The following ZMYND8 variants were observed in gnomAD, a reference collection of about 807,000 sequenced individuals.
The protein encoded by ZMYND8 is zinc finger MYND-type containing 8.
ZMYND8 carries 37 observed loss-of-function variants against 140.8 expected under a neutral mutation model. The ratio of observed to expected loss-of-function variants is 0.26; its 90% CI spans 0.20 to 0.35. The LOEUF (loss-of-function observed/expected upper bound fraction) is 0.35, where lower values mean the gene tolerates loss of function less well. ZMYND8 is among the 10% of genes least tolerant of loss of function. ZMYND8 has a pLI of 1.00. For missense variants in ZMYND8, 1,068 were observed against 1,570.0 expected (o/e 0.68, Z 5.40); for synonymous variants, 592 against 597.1 (o/e 0.99, Z 0.12).
At chr20:47,238,425 GGTT>G in intron 15 of ZMYND8, 1 of 399,588 alleles carries the variant, frequency 2.5e-6, no homozygotes, top group Non-Finnish European at 4.6e-6. Context: ...CTTTTACAAC[GGTT>G]GATACTGGCC....
At chr20:47,343,584 T>G (rs1056822151) in intron 2 of ZMYND8, among the ~76,000 whole-genome samples, 8 of 152,290 alleles carry the variant, frequency 5.3e-5, no homozygotes, top group African/African-American at 1.7e-4. Flanking sequence ...GAATCTTGGC[T>G]CACTGCAACC....
At chr20:47,312,114 G>A (rs1427951392) in intron 2 of ZMYND8, among the ~76,000 whole-genome samples, 1 of 152,172 alleles carries the variant, frequency 6.6e-6, no homozygotes, top group Admixed American at 6.5e-5. Context: ...AATCTGCGAA[G>A]ATGTCAATTA....
chr20:47,327,032 C>T (rs1463320900), intron 2 of ZMYND8, among the ~76,000 whole-genome samples: 2 of 152,028 alleles, frequency 1.3e-5, no homozygotes, highest in African/African-American at 2.4e-5. Context: ...GGAGGTGGTG[C>T]GCAAAACCAG....
intron 2 of ZMYND8, among the ~76,000 whole-genome samples, chr20:47,336,519 T>C (rs1284788816): frequency 6.6e-6 from 1 of 152,094 alleles, no homozygotes; most frequent in African/African-American, 2.4e-5. Flanking sequence ...AGGGGAGCCT[T>C]TGTATGGAGA....
intron 12 of ZMYND8, among the ~76,000 whole-genome samples, chr20:47,257,823 G>T (rs1401485964): frequency 6.6e-6 from 1 of 152,050 alleles, no homozygotes; most frequent in Non-Finnish European, 1.5e-5. Flanking sequence ...ATTGTTGGTT[G>T]TATGTGTTTG....
rs1324667888 is a variant in ZMYND8 at position 47,220,250 on chromosome 20, C to A, written c.3484+8G>T. The A allele has an allele frequency of 1.9e-6, 3 of 1,558,406 alleles. No individual in the cohort carries two copies. Among genetic ancestry groups the A allele is most frequent in the East Asian group, 2.4e-5 (1 of 41,590 alleles). On this transcript the variant is annotated splice_region_variant and intron_variant, in intron 21 of 22. Coordinates refer to ENST00000471951, the MANE Select transcript of ZMYND8 (RefSeq NM_001281775.3). ...AAAGCACCGTTCGCCCACCAGGGGGCAACATACCAGAGCCTTGGTTGGAGC... is the reference window on the plus strand; with the variant it reads ...AAAGCACCGTTCGCCCACCAGGGGGAAACATACCAGAGCCTTGGTTGGAGC...
At chr20:47,342,026 G>A (rs2081939237) in intron 2 of ZMYND8, among the ~76,000 whole-genome samples, 1 of 151,410 alleles carries the variant, frequency 6.6e-6, no homozygotes, top group Non-Finnish European at 1.5e-5. Flanking sequence ...ACAAAACTTA[G>A]CCAGGCGTGG....
chr20:47,310,198 C>G lies in ZMYND8; in HGVS notation c.92G>C (p.Gly31Ala). The G allele has an allele frequency of 3.1e-6, 5 of 1,603,678 alleles. No homozygotes were observed. The highest frequency in any genetic ancestry group is 4.2e-6 in the Non-Finnish European group (5 of 1,177,400). Residue 31 changes from glycine (G) to alanine (A), a missense_variant, in exon 3 of 23, where the codon GGC (glycine) becomes GCC (alanine). By Grantham distance (60) the Gly-to-Ala change is moderately conservative (BLOSUM62 0). Coordinates refer to ENST00000471951, the MANE Select transcript of ZMYND8 (RefSeq NM_001281775.3). Reference sequence around the variant, plus strand: ...TTTCTGGGCTGTTCTCTCTGCAGAGCCAGGATCTGAAAGAGATACAGGACC... The same window carrying G: ...TTTCTGGGCTGTTCTCTCTGCAGAGGCAGGATCTGAAAGAGATACAGGACC... ...MDISTRSKDPGSAERTAQKRK... is the reference protein window; with the variant it reads ...MDISTRSKDPASAERTAQKRK...
intron 3 of ZMYND8, among the ~76,000 whole-genome samples, chr20:47,301,570 G>T (rs1242389218): frequency 6.6e-6 from 1 of 151,592 alleles, no homozygotes; most frequent in African/African-American, 2.4e-5. Context: ...TACATTTTCA[G>T]CATGCCATTG....
intron 11 of ZMYND8, among the ~76,000 whole-genome samples, chr20:47,274,703 C>G (rs948252510): frequency 1.3e-5 from 2 of 152,152 alleles, no homozygotes; most frequent in Non-Finnish European, 2.9e-5. Flanking sequence ...AGCTATGAAT[C>G]AGAACTAGAG....
intron 17 of ZMYND8, among the ~76,000 whole-genome samples, chr20:47,227,985 T>C (rs895993014): frequency 6.6e-6 from 1 of 151,176 alleles, no homozygotes; most frequent in African/African-American, 2.4e-5. Flanking sequence ...CCCAGCTACT[T>C]GGGATGCTGA....
intron 2 of ZMYND8, among the ~76,000 whole-genome samples, chr20:47,317,596 T>G (rs988455057): frequency 1.3e-5 from 2 of 152,222 alleles, no homozygotes; most frequent in African/African-American, 4.8e-5. Flanking sequence ...TGCTGGGGCC[T>G]GAACGAAAAG....
At chr20:47,218,531 G>A (rs538119437) in intron 21 of ZMYND8, among the ~76,000 whole-genome samples, 53 of 152,126 alleles carry the variant, frequency 3.5e-4, no homozygotes, top group African/African-American at 1.2e-3. Context: ...GTTAAATCAA[G>A]GGCAACTCCA....
At chr20:47,232,971 A>G (rs925074172) in intron 16 of ZMYND8, among the ~76,000 whole-genome samples, 11 of 149,716 alleles carry the variant, frequency 7.3e-5, no homozygotes, top group Non-Finnish European at 1.3e-4. Context: ...AAGTGGCGCA[A>G]TCTCAGCTCA....
At chr20:47,253,490 T>G (rs191719101) in intron 12 of ZMYND8, among the ~76,000 whole-genome samples, 239 of 135,576 alleles carry the variant, frequency 1.8e-3, no homozygotes, top group Non-Finnish European at 2.9e-3. Flanking sequence ...TGAGCCGAGA[T>G]CACACCACTG....
intron 2 of ZMYND8, among the ~76,000 whole-genome samples, chr20:47,315,222 A>G (rs1478197009): frequency 1.3e-5 from 2 of 152,186 alleles, no homozygotes; most frequent in East Asian, 1.9e-4. Context: ...TCTGCTCAGC[A>G]AGAGGTAGGG....
chr20:47,277,657 T>TTATG (rs1443796595), intron 10 of ZMYND8, among the ~76,000 whole-genome samples: 2 of 145,400 alleles, frequency 1.4e-5, no homozygotes, highest in African/African-American at 2.7e-5. Context: ...TTCATTTTAT[T>TTATG]TATTTATTTA....
chr20:47,333,724 CAAAAAAAAAAAAAAA>C (rs57968979), intron 2 of ZMYND8, among the ~76,000 whole-genome samples: 21 of 29,726 alleles, frequency 7.1e-4, no homozygotes, highest in Admixed American at 1.7e-3. Flanking sequence ...GACTCCGTCT[CAAAAAAAAAAAAAAA>C]AAAAAAAAAA....
At chr20:47,315,091 A>C (rs2079272988) in intron 2 of ZMYND8, among the ~76,000 whole-genome samples, 1 of 152,118 alleles carries the variant, frequency 6.6e-6, no homozygotes, top group African/African-American at 2.4e-5. Context: ...CTTCAACATT[A>C]CTTAATTTAA....
Sources: allele counts gnomAD v4.1 joint callset (sites outside exome capture counted in the v4.1 genomes callset), GRCh38; gene constraint gnomAD v4.1.1; transcripts MANE v1.5; gene names NCBI Gene and HGNC (gene_info 2026-07-23, HGNC 2026-07-21).